The following USH2A variants were observed in gnomAD, a reference collection of about 807,000 sequenced individuals.
USH2A encodes the protein usherin, also known as Usher syndrome 2A (autosomal recessive, mild).
In USH2A, 443 loss-of-function variants were observed where a neutral mutation model predicts 538.9. The ratio of observed to expected loss-of-function variants is 0.82; its 90% confidence interval spans 0.76 to 0.89. The LOEUF (loss-of-function observed/expected upper bound fraction) is 0.89, where lower values mean the gene tolerates loss of function less well. USH2A is among the 40% of genes least tolerant of loss of function. USH2A has a pLI of 0.00. For missense variants in USH2A, 6,633 were observed against 6,324.8 expected (o/e 1.05, Z -1.65); for synonymous variants, 2,413 against 2,273.5 (o/e 1.06, Z -1.75).
intron 61 of USH2A, among the ~76,000 whole-genome samples, chr1:215,720,529 G>A (rs912618595): frequency 3.9e-5 from 6 of 152,184 alleles, no homozygotes; most frequent in Admixed American, 3.9e-4. Flanking sequence ...TTAGGAGACT[G>A]GCTAGGTTTC....
In USH2A at chr1:216,063,504, G is replaced by A. The variant is rs186954380; in HGVS notation, c.6049+6597C>T. On this transcript the variant is annotated intron_variant, in intron 30 of 71. Transcript: ENST00000307340. ...ATGACTCAATTTAGCATTGAGAGAA[G>A]CAAACTCCTTGAAAGAAAAAAAATC... Among the ~76,000 whole-genome samples, 9 of 152,152 alleles carry A rather than the reference G, an allele frequency of 5.9e-5. No individual in the cohort carries two copies. The East Asian group carries it at 1.7e-3, about 29-fold the overall frequency.
chr1:215,808,644 T>A (rs1375065225), intron 49 of USH2A, among the ~76,000 whole-genome samples: 1 of 152,108 alleles, frequency 6.6e-6, no homozygotes, highest in Non-Finnish European at 1.5e-5. Context: ...CTATGGTTTG[T>A]CTTGTATAGT....
At chr1:216,075,715 C>T (rs1052897444) in intron 27 of USH2A, among the ~76,000 whole-genome samples, 1 of 152,138 alleles carries the variant, frequency 6.6e-6, no homozygotes, top group Non-Finnish European at 1.5e-5. Context: ...AAGTGATTAT[C>T]CTCATTGATC....
At chr1:215,658,429 T>C (rs767008822) in intron 64 of USH2A, among the ~76,000 whole-genome samples, 4 of 152,138 alleles carry the variant, frequency 2.6e-5, no homozygotes, top group African/African-American at 4.8e-5. Flanking sequence ...ATATGGTTGG[T>C]ATTATTATCC....
At chr1:216,111,396 C>T (rs1428500972) in intron 21 of USH2A, among the ~76,000 whole-genome samples, 3 of 152,134 alleles carry the variant, frequency 2.0e-5, no homozygotes, top group South Asian at 2.1e-4. Context: ...CCTTCGGATA[C>T]ATTAACCAAA....
intron 38 of USH2A, among the ~76,000 whole-genome samples, chr1:215,903,578 C>T (rs907230318): frequency 2.6e-5 from 4 of 151,994 alleles, no homozygotes; most frequent in African/African-American, 9.7e-5. Flanking sequence ...ACATTTGAAT[C>T]AACTGAGAGT....
chr1:216,363,920 C>T (rs965408677), intron 4 of USH2A, among the ~76,000 whole-genome samples: 2 of 151,428 alleles, frequency 1.3e-5, no homozygotes, highest in African/African-American at 4.8e-5. Flanking sequence ...TAAAAATGTA[C>T]TAAAAATCTG....
In USH2A at chr1:215,773,283, A is replaced by T. The variant is rs12022820; in HGVS notation, c.10940-6495T>A. Among the ~76,000 whole-genome samples the T allele has an allele frequency of 3.9e-5, 6 of 152,218 alleles. No homozygotes were observed. In the East Asian group the frequency reaches 9.7e-4, roughly 25 times the overall value. On this transcript the variant is annotated intron_variant, in intron 55 of 71. Transcript: ENST00000307340. ...CAGCCACTTGTACTGTAAGGCTCAGACAAGATGGAACCAATCAACTGGAAG... is the reference window on the plus strand; with the variant it reads ...CAGCCACTTGTACTGTAAGGCTCAGTCAAGATGGAACCAATCAACTGGAAG...
intron 40 of USH2A, among the ~76,000 whole-genome samples, chr1:215,890,442 C>T (rs1665178811): frequency 6.6e-6 from 1 of 152,108 alleles, no homozygotes; most frequent in African/African-American, 2.4e-5. Context: ...GTATTTGTCA[C>T]CAACTGGACT....
chr1:216,182,655 T>A (rs900920919), intron 20 of USH2A, among the ~76,000 whole-genome samples: 1 of 152,120 alleles, frequency 6.6e-6, no homozygotes, highest in Admixed American at 6.6e-5. Flanking sequence ...TAATAGTGCA[T>A]CTCTGTATTA....
chr1:215,786,919 T>G, intron 51 of USH2A, 45 bp from the exon 52 acceptor site: 2 of 1,593,204 alleles, frequency 1.3e-6, no homozygotes, highest in Non-Finnish European at 1.7e-6. Flanking sequence ...TATTTAAAAA[T>G]TTCATTTAGA....
intron 38 of USH2A, among the ~76,000 whole-genome samples, chr1:215,926,721 G>A (rs1004072561): frequency 7.0e-6 from 1 of 143,522 alleles, no homozygotes; most frequent in Non-Finnish European, 1.5e-5. Context: ...GGGTTCAAGC[G>A]ATTCTCCTAC....
At chr1:216,112,683 C>T (rs1381946946) in intron 21 of USH2A, among the ~76,000 whole-genome samples, 2 of 152,090 alleles carry the variant, frequency 1.3e-5, no homozygotes, top group East Asian at 1.9e-4. Context: ...TTATTTAACT[C>T]CCACTTATAA....
chr1:216,339,047 A>C (rs2038026438), intron 4 of USH2A, among the ~76,000 whole-genome samples: 1 of 151,634 alleles, frequency 6.6e-6, no homozygotes, highest in Non-Finnish European at 1.5e-5. Context: ...TCACAAATGC[A>C]CACAAGGAGA....
At chr1:216,325,723 T>C in intron 5 of USH2A, 124 bp from the exon 6 acceptor site, 4 of 919,334 alleles carry the variant, frequency 4.4e-6, no homozygotes, top group Non-Finnish European at 4.7e-6. Context: ...GTTTTAATAA[T>C]TTGATGCATG....
chr1:216,251,929 A>AT (rs1185507755), intron 11 of USH2A, among the ~76,000 whole-genome samples: 1 of 152,076 alleles, frequency 6.6e-6, no homozygotes, highest in Non-Finnish European at 1.5e-5. Context: ...ATCCTAATAC[A>AT]TTTTTTTCTT....
At chr1:215,632,413 C>G (rs1266195102) in intron 70 of USH2A, among the ~76,000 whole-genome samples, 1 of 152,118 alleles carries the variant, frequency 6.6e-6, no homozygotes, top group Non-Finnish European at 1.5e-5. Flanking sequence ...CATAACATCT[C>G]CACAAGAATG....
At chr1:215,695,464 AC>A (rs1425820254) in intron 61 of USH2A, among the ~76,000 whole-genome samples, 2 of 152,180 alleles carry the variant, frequency 1.3e-5, no homozygotes, top group African/African-American at 4.8e-5. Context: ...TTAGGATCAT[AC>A]AAAAATCAAT....
At chr1:215,898,082 C>G (rs79874007) in intron 40 of USH2A, among the ~76,000 whole-genome samples, 2 of 152,182 alleles carry the variant, frequency 1.3e-5, no homozygotes, top group Admixed American at 6.5e-5. Flanking sequence ...CTAACGTAAC[C>G]TGCAGGTACA....
Sources: gnomAD v4.1 joint callset for allele counts (sites outside exome capture counted in the v4.1 genomes callset) on GRCh38, gnomAD v4.1.1 for gene constraint, MANE v1.5 for transcripts, NCBI Gene and HGNC (gene_info 2026-07-23, HGNC 2026-07-21) for gene names.